PSMD14: variants seen among roughly 807,000 people sequenced by gnomAD.
PSMD14 encodes proteasome 26S subunit, non-ATPase 14, also known as ubiquitin C-terminal hydrolase PSMD14.
A neutral mutation model predicts 41.2 loss-of-function variants in PSMD14; 7 were observed. The ratio of observed to expected loss-of-function variants is 0.17; its 90% confidence interval spans 0.10 to 0.32. The LOEUF is 0.32. PSMD14 is among the 10% of genes least tolerant of loss of function. PSMD14 has a pLI of 1.00. For synonymous variants in PSMD14, 114 were observed against 122.3 expected, an observed-to-expected ratio of 0.93 and a Z score of 0.45; for missense variants, 139 against 375.6, an observed-to-expected ratio of 0.37 and a Z score of 5.21.
intron 10 of PSMD14, among the ~76,000 whole-genome samples, chr2:161,395,925 C>G (rs1394663953): frequency 6.6e-6 from 1 of 152,144 alleles, no homozygotes. Flanking sequence ...GTCCACACAC[C>G]AGCTACATTA....
intron 4 of PSMD14, 34 bp from the exon 5 acceptor site, chr2:161,367,750 T>C: frequency 6.2e-7 from 1 of 1,602,744 alleles, no homozygotes; most frequent in Non-Finnish European, 8.5e-7. Flanking sequence ...CTCAACGAAA[T>C]TTGCTTTGTG....
At chr2:161,312,613 C>A (rs62197075) in intron 1 of PSMD14, among the ~76,000 whole-genome samples, 21,261 of 152,100 alleles carry the variant, frequency 0.14, 1,720 homozygotes, top group East Asian at 0.3. Context: ...GTATGTATGA[C>A]ATTATGTTAG....
chr2:161,346,172 C>T (rs1409916603), intron 3 of PSMD14, among the ~76,000 whole-genome samples: 3 of 152,314 alleles, frequency 2.0e-5, no homozygotes, highest in Non-Finnish European at 2.9e-5. Context: ...CGTGAGCCAC[C>T]GTGCTCGGCC....
At chr2:161,378,285 T>C (rs1443821356) in intron 7 of PSMD14, among the ~76,000 whole-genome samples, 1 of 151,976 alleles carries the variant, frequency 6.6e-6, no homozygotes, top group Non-Finnish European at 1.5e-5. Context: ...CCAAATTAAA[T>C]ACATGTCAGT....
intron 3 of PSMD14, among the ~76,000 whole-genome samples, chr2:161,335,793 G>A (rs1022951859): frequency 6.6e-6 from 1 of 152,216 alleles, no homozygotes; most frequent in Non-Finnish European, 1.5e-5. Flanking sequence ...AAAGAATACA[G>A]GATTTGGCTT....
chr2:161,397,896 C>T (rs1217775899), intron 10 of PSMD14, among the ~76,000 whole-genome samples: 2 of 152,028 alleles, frequency 1.3e-5, no homozygotes, highest in Non-Finnish European at 2.9e-5. Context: ...AGAAATAAAT[C>T]GCTCACCGTA....
At chr2:161,395,906 A>G (rs578100116) in intron 10 of PSMD14, among the ~76,000 whole-genome samples, 26 of 152,348 alleles carry the variant, frequency 1.7e-4, no homozygotes, top group African/African-American at 5.5e-4. Context: ...ACACCTTCAT[A>G]TTCAGATTGT....
Position 161,349,037 on chromosome 2 carries a change from C to T in PSMD14, c.49-18441C>T, listed in dbSNP as rs544186467. Among the ~76,000 whole-genome samples, 2 of 152,228 alleles carry T rather than the reference C, an allele frequency of 1.3e-5. 1 individual carries two copies. Among genetic ancestry groups the T allele is most frequent in the African/African-American group, 4.8e-5 (2 of 41,544 alleles). ...AGAGAGGCATCTTTCTATCTTAGGC[C>T]GAAGACAGATCAGCTTTCTAGGTAA... On this transcript the variant is annotated intron_variant, in intron 3 of 11. Coordinates refer to ENST00000409682, the MANE Select transcript of PSMD14 (RefSeq NM_005805.6).
intron 3 of PSMD14, among the ~76,000 whole-genome samples, chr2:161,334,820 C>A (rs1423591351): frequency 6.6e-6 from 1 of 152,284 alleles, no homozygotes; most frequent in Non-Finnish European, 1.5e-5. Flanking sequence ...TCCTCAGCCT[C>A]CCAAAGTGCT....
chr2:161,402,005 T>C (rs562903008), intron 10 of PSMD14, among the ~76,000 whole-genome samples: 8 of 152,302 alleles, frequency 5.3e-5, no homozygotes, highest in East Asian at 1.9e-4. Flanking sequence ...TGGCACATGA[T>C]AGGCATTTAA....
intron 1 of PSMD14, 96 bp downstream of exon 1, chr2:161,308,700 G>A (rs918889148): frequency 3.3e-5 from 5 of 152,466 alleles, no homozygotes; most frequent in African/African-American, 1.2e-4. Context: ...GCCCAGCTGA[G>A]TTGCCACAGG....
At chr2:161,372,132 C>T (rs1156349355) in intron 7 of PSMD14, among the ~76,000 whole-genome samples, 1 of 152,020 alleles carries the variant, frequency 6.6e-6, no homozygotes, top group Non-Finnish European at 1.5e-5. Flanking sequence ...AGAAAAACTA[C>T]AGACATACAG....
At chr2:161,398,953 GA>G (rs1683839257) in intron 10 of PSMD14, among the ~76,000 whole-genome samples, 1 of 151,956 alleles carries the variant, frequency 6.6e-6, no homozygotes, top group African/African-American at 2.4e-5. Context: ...AAATCTAAGA[GA>G]ATAAACTTAG....
chr2:161,367,201 T>C (rs1013088993), intron 3 of PSMD14, among the ~76,000 whole-genome samples: 5 of 152,220 alleles, frequency 3.3e-5, no homozygotes, highest in Admixed American at 6.5e-5. Flanking sequence ...GGCTAATTGG[T>C]ACATTATAGC....
intron 7 of PSMD14, among the ~76,000 whole-genome samples, chr2:161,381,177 C>T (rs1559051212): frequency 6.6e-6 from 1 of 150,396 alleles, no homozygotes; most frequent in Non-Finnish European, 1.5e-5. Context: ...AAAATTATTT[C>T]AGTTCGTCAC....
At chr2:161,318,136 CA>C (rs1689165839) in intron 2 of PSMD14, among the ~76,000 whole-genome samples, 1 of 152,154 alleles carries the variant, frequency 6.6e-6, no homozygotes, top group Non-Finnish European at 1.5e-5. Flanking sequence ...TTGAGAAGCA[CA>C]GTTGAATTTC....
intron 9 of PSMD14, 27 bp downstream of exon 9, chr2:161,391,205 A>G: frequency 6.1e-6 from 9 of 1,485,188 alleles, no homozygotes; most frequent in Non-Finnish European, 8.1e-6. Context: ...ATCTTATAGG[A>G]GGAAAAAAAT....
chr2:161,321,587 A>G (rs1682599178), intron 3 of PSMD14, among the ~76,000 whole-genome samples: 1 of 152,170 alleles, frequency 6.6e-6, no homozygotes, highest in Admixed American at 6.5e-5. Context: ...GATGCCAGCT[A>G]TACTTCATGT....
chr2:161,314,322 A>C (rs925567989), intron 1 of PSMD14, among the ~76,000 whole-genome samples: 1 of 152,212 alleles, frequency 6.6e-6, no homozygotes, highest in Admixed American at 6.5e-5. Flanking sequence ...CTGAGTAAGA[A>C]TGTCACTTTT....
Sources: gnomAD v4.1 joint callset for allele counts (sites outside exome capture counted in the v4.1 genomes callset) on GRCh38, gnomAD v4.1.1 for gene constraint, MANE v1.5 for transcripts, NCBI Gene and HGNC (gene_info 2026-07-23, HGNC 2026-07-21) for gene names.